Variants in GRXCR1 observed in about 807,000 individuals in gnomAD.
GRXCR1 encodes glutaredoxin domain-containing cysteine-rich protein 1.
A neutral mutation model predicts 27.3 loss-of-function variants in GRXCR1; 27 were observed. The observed-to-expected ratio is 0.99, with a 90% CI of 0.73 to 1.37. The LOEUF is 1.37. Among genes scored for constraint, GRXCR1 ranks in the 40% most tolerant of loss-of-function variants. The pLI is 0.00. For synonymous variants in GRXCR1, 122 were observed against 131.1 expected, an observed-to-expected ratio of 0.93 and a Z score of 0.47; for missense variants, 379 against 354.4, an observed-to-expected ratio of 1.07 and a Z score of -0.56.
intron 1 of GRXCR1, among the ~76,000 whole-genome samples, chr4:42,928,593 C>A (rs752446619): frequency 3.3e-5 from 5 of 151,952 alleles, no homozygotes; most frequent in African/African-American, 4.8e-5. Context: ...GTTTGTTATA[C>A]TCACAGGTTT....
chr4:42,937,396 C>A (rs1039265768), intron 1 of GRXCR1, among the ~76,000 whole-genome samples: 2 of 151,538 alleles, frequency 1.3e-5, no homozygotes, highest in African/African-American at 4.8e-5. Context: ...AGCTCTGGTT[C>A]GTTTTATTGG....
At chr4:42,898,292 G>A (rs1452429922) in intron 1 of GRXCR1, among the ~76,000 whole-genome samples, 1 of 151,704 alleles carries the variant, frequency 6.6e-6, no homozygotes, top group Non-Finnish European at 1.5e-5. Flanking sequence ...GAGTTAAATA[G>A]CTTCAATTCA....
chr4:42,919,258 G>A (rs533473673), intron 1 of GRXCR1, among the ~76,000 whole-genome samples: 16 of 152,020 alleles, frequency 1.1e-4, no homozygotes, highest in Non-Finnish European at 7.4e-5. Flanking sequence ...GTCTCTACTC[G>A]TCTTTATTAT....
chr4:42,937,412 G>T (rs539607550), intron 1 of GRXCR1, among the ~76,000 whole-genome samples: 1 of 151,776 alleles, frequency 6.6e-6, no homozygotes, highest in Non-Finnish European at 1.5e-5. Flanking sequence ...ATTGGAAAAT[G>T]GTATTAGCAA....
intron 3 of GRXCR1, among the ~76,000 whole-genome samples, chr4:43,025,184 T>C (rs1713215315): frequency 6.6e-6 from 1 of 152,198 alleles, no homozygotes; most frequent in African/African-American, 2.4e-5. Flanking sequence ...AACTCTGCCA[T>C]TATCTTTGTC....
intron 1 of GRXCR1, among the ~76,000 whole-genome samples, chr4:42,907,101 TC>T (rs1280278367): frequency 6.6e-6 from 1 of 152,150 alleles, no homozygotes; most frequent in Non-Finnish European, 1.5e-5. Context: ...AACAAGGTAG[TC>T]ATCTTGGCTA....
intron 2 of GRXCR1, among the ~76,000 whole-genome samples, chr4:42,970,513 G>A (rs1748360446): frequency 1.3e-5 from 2 of 152,148 alleles, no homozygotes; most frequent in African/African-American, 2.4e-5. Context: ...AACACCATGT[G>A]GAAGCTGCCA....
At chr4:42,931,594 T>A (rs1312829118) in intron 1 of GRXCR1, among the ~76,000 whole-genome samples, 1 of 151,920 alleles carries the variant, frequency 6.6e-6, no homozygotes. Flanking sequence ...TTAAGAAATT[T>A]ATTATTAATT....
At chr4:43,015,748 CTAAA>C (rs1712911406) in intron 2 of GRXCR1, among the ~76,000 whole-genome samples, 1 of 151,056 alleles carries the variant, frequency 6.6e-6, no homozygotes, top group Non-Finnish European at 1.5e-5. Context: ...TGGTTTATGA[CTAAA>C]TATAAATTAA....
intron 2 of GRXCR1, among the ~76,000 whole-genome samples, chr4:42,967,779 T>C (rs1748281634): frequency 6.6e-6 from 1 of 152,082 alleles, no homozygotes; most frequent in Non-Finnish European, 1.5e-5. Flanking sequence ...TTAGAAAGAG[T>C]TTGAGCCTTT....
At chr4:43,020,877 G>A (rs867919649) in intron 3 of GRXCR1, among the ~76,000 whole-genome samples, 26 of 152,288 alleles carry the variant, frequency 1.7e-4, no homozygotes, top group African/African-American at 4.8e-4. Context: ...TATAGCATCA[G>A]AGAAATACTT....
intron 1 of GRXCR1, among the ~76,000 whole-genome samples, chr4:42,919,882 A>G (rs1746970193): frequency 6.6e-6 from 1 of 152,104 alleles, no homozygotes; most frequent in Non-Finnish European, 1.5e-5. Flanking sequence ...AGTTGACTTC[A>G]TCTCTCAGAG....
intron 2 of GRXCR1, among the ~76,000 whole-genome samples, chr4:43,015,161 A>G (rs1002179054): frequency 6.6e-6 from 1 of 152,172 alleles, no homozygotes; most frequent in African/African-American, 2.4e-5. Flanking sequence ...AGAGAAATTC[A>G]GGGTATGAGA....
intron 2 of GRXCR1, among the ~76,000 whole-genome samples, chr4:42,968,941 G>C (rs1439196071): frequency 1.3e-5 from 2 of 152,040 alleles, no homozygotes; most frequent in South Asian, 4.1e-4. Context: ...ATAGATATTG[G>C]GTAGGCAGTT....
intron 1 of GRXCR1, among the ~76,000 whole-genome samples, chr4:42,954,176 T>C (rs956940980): frequency 6.6e-6 from 1 of 152,132 alleles, no homozygotes; most frequent in East Asian, 1.9e-4. Context: ...AGTTAGTATA[T>C]ACAATGTAAC....
At chr4:42,923,137 T>G (rs1367742176) in intron 1 of GRXCR1, among the ~76,000 whole-genome samples, 1 of 152,138 alleles carries the variant, frequency 6.6e-6, no homozygotes, top group African/African-American at 2.4e-5. Flanking sequence ...AGAGGAGTCT[T>G]CTTATTCACC....
chr4:42,997,450 G>GT (rs1265260686), intron 2 of GRXCR1, among the ~76,000 whole-genome samples: 1 of 152,138 alleles, frequency 6.6e-6, no homozygotes, highest in Non-Finnish European at 1.5e-5. Context: ...TATAAACCGT[G>GT]TTTTTTTATT....
chr4:43,022,491 A>G (rs1713126571), intron 3 of GRXCR1, among the ~76,000 whole-genome samples: 1 of 152,210 alleles, frequency 6.6e-6, no homozygotes, highest in African/African-American at 2.4e-5. Context: ...AGATGACATA[A>G]ATAAGGCACA....
intron 1 of GRXCR1, among the ~76,000 whole-genome samples, chr4:42,955,975 G>A (rs1269193837): frequency 6.6e-6 from 1 of 152,114 alleles, no homozygotes; most frequent in Non-Finnish European, 1.5e-5. Context: ...TCCAGGATTA[G>A]TTTCAGTGGA....
Sources: allele counts gnomAD v4.1 joint callset (sites outside exome capture counted in the v4.1 genomes callset), GRCh38; gene constraint gnomAD v4.1.1; transcripts MANE v1.5; gene names NCBI Gene and HGNC (gene_info 2026-07-23, HGNC 2026-07-21).